RGL1: variants seen among roughly 807,000 people sequenced by gnomAD.
RGL1 encodes the protein ral guanine nucleotide dissociation stimulator like 1.
In RGL1, 24 loss-of-function variants were observed where a neutral mutation model predicts 95.2. The ratio of observed to expected loss-of-function variants is 0.25; its 90% confidence interval spans 0.18 to 0.35. RGL1 has a LOEUF of 0.35. Ranked by LOEUF, RGL1 falls within the 10% of genes least tolerant of loss-of-function variation. RGL1 has a pLI of 1.00. For synonymous variants in RGL1, 329 were observed against 344.9 expected, an observed-to-expected ratio of 0.95 and a Z score of 0.51; for missense variants, 715 against 936.3, an observed-to-expected ratio of 0.76 and a Z score of 3.08.
At chr1:183,785,912 C>A (rs867463034) in intron 2 of RGL1, among the ~76,000 whole-genome samples, 34 of 151,808 alleles carry the variant, frequency 2.2e-4, no homozygotes, top group Admixed American at 1.8e-3. Context: ...GAGTGTGACC[C>A]CATCTCTACA....
intron 1 of RGL1, among the ~76,000 whole-genome samples, chr1:183,661,035 A>G (rs942589461): frequency 6.6e-6 from 1 of 152,212 alleles, no homozygotes; most frequent in African/African-American, 2.4e-5. Context: ...ACATACCAGA[A>G]TCTCTGGGAC....
upstream of RGL1, among the ~76,000 whole-genome samples, chr1:183,801,589 CT>C (rs1288569948): frequency 6.6e-6 from 1 of 152,152 alleles, no homozygotes; most frequent in Non-Finnish European, 1.5e-5. Flanking sequence ...TATAATAAAG[CT>C]TTCCCCCTAT....
At chr1:183,730,452 G>C (rs543783750) in intron 1 of RGL1, among the ~76,000 whole-genome samples, 1 of 152,132 alleles carries the variant, frequency 6.6e-6, no homozygotes, top group Non-Finnish European at 1.5e-5. Flanking sequence ...GAGTGAGTGT[G>C]TTAGGTTGGC....
chr1:183,868,693 G>C (rs61809213), intron 4 of RGL1, among the ~76,000 whole-genome samples: 1 of 152,212 alleles, frequency 6.6e-6, no homozygotes, highest in Non-Finnish European at 1.5e-5. Flanking sequence ...TAAGAATTGA[G>C]TGTAATCTAG....
chr1:183,640,565 G>A (rs1445929707), intron 1 of RGL1, among the ~76,000 whole-genome samples: 1 of 152,000 alleles, frequency 6.6e-6, no homozygotes, highest in Non-Finnish European at 1.5e-5. Flanking sequence ...TTAAAATATT[G>A]TGAATGAGAC....
chr1:183,858,976 A>C (rs1665338843), intron 3 of RGL1, among the ~76,000 whole-genome samples: 1 of 152,236 alleles, frequency 6.6e-6, no homozygotes, highest in Non-Finnish European at 1.5e-5. Flanking sequence ...GGTTGGGGAA[A>C]ACTGAGCCAC....
At chr1:183,736,940 C>A (rs1656975314) in intron 1 of RGL1, among the ~76,000 whole-genome samples, 1 of 2,868 alleles carries the variant, frequency 3.5e-4, no homozygotes, top group Non-Finnish European at 8.9e-3. Context: ...ACTTTCTTTT[C>A]CTTCCAAACC....
At chr1:183,851,741 A>G (rs1355042373) in intron 3 of RGL1, among the ~76,000 whole-genome samples, 1 of 152,252 alleles carries the variant, frequency 6.6e-6, no homozygotes, top group Non-Finnish European at 1.5e-5. Flanking sequence ...AAACCTCAAC[A>G]TGAGTATTTC....
At chr1:183,706,269 G>A (rs954121837) in intron 1 of RGL1, among the ~76,000 whole-genome samples, 5 of 152,258 alleles carry the variant, frequency 3.3e-5, no homozygotes, top group East Asian at 3.9e-4. Flanking sequence ...GAGGTGGCTC[G>A]GGGTTTGGAG....
At chr1:183,669,035 C>T (rs139076868) in intron 1 of RGL1, among the ~76,000 whole-genome samples, 1,899 of 151,442 alleles carry the variant, frequency 0.013, 46 homozygotes, top group African/African-American at 0.044. Context: ...CTCCGCCTCC[C>T]GGGTTCAAGT....
intron 1 of RGL1, among the ~76,000 whole-genome samples, chr1:183,712,498 T>A (rs779392479): frequency 9.2e-5 from 14 of 151,494 alleles, no homozygotes; most frequent in South Asian, 6.3e-4. Context: ...AGAGAGAGAG[T>A]GTGTGTGTGT....
chr1:183,805,409 C>A lies in RGL1; in HGVS notation c.27+85C>A, dbSNP rs978938615. 17 of 1,140,770 alleles carry A rather than the reference C, an allele frequency of 1.5e-5. No homozygotes were observed. The African/African-American group carries it at 2.3e-4, about 15-fold the overall frequency. The allele number at this position is 1,140,770 out of a possible 1,614,324, so 70.7% of individuals were successfully genotyped here. A position where few individuals can be genotyped will look rare whatever the true frequency, so the allele number is the denominator to read the frequency against. On this transcript the variant is annotated intron_variant, in intron 1 of 17. Coordinates refer to ENST00000360851, the MANE Select transcript of RGL1 (RefSeq NM_001297671.3). Reference sequence around the variant, plus strand: ...TCGCTGGGCGTGTTTTGGACTCCCTCGGAGTGAACGGAGCAATCCGATTCC... The same window carrying A: ...TCGCTGGGCGTGTTTTGGACTCCCTAGGAGTGAACGGAGCAATCCGATTCC...
chr1:183,777,621 C>T (rs565232630), intron 2 of RGL1, among the ~76,000 whole-genome samples: 9 of 152,312 alleles, frequency 5.9e-5, no homozygotes, highest in Admixed American at 3.3e-4. Context: ...GGAGGGAGCT[C>T]ATAGGAAAAC....
intron 1 of RGL1, among the ~76,000 whole-genome samples, chr1:183,722,278 A>G (rs1656054462): frequency 6.6e-6 from 1 of 152,024 alleles, no homozygotes; most frequent in Non-Finnish European, 1.5e-5. Context: ...AATAGAACCT[A>G]TCCAAAATGA....
chr1:183,700,799 C>G (rs1469365167), intron 1 of RGL1, among the ~76,000 whole-genome samples: 1 of 152,122 alleles, frequency 6.6e-6, no homozygotes, highest in Non-Finnish European at 1.5e-5. Flanking sequence ...CCACCTCGGC[C>G]TTCCAAAGTG....
At chr1:183,897,936 G>A in intron 10 of RGL1, 39 bp downstream of exon 10, 1 of 1,565,600 alleles carries the variant, frequency 6.4e-7, no homozygotes, top group Non-Finnish European at 8.8e-7. Context: ...GCTCACAGAG[G>A]AGAAGGGCCG....
Position 183,668,003 on chromosome 1 carries a change from A to ATGTGTG in RGL1, c.-33+31520_-33+31525dup, listed in dbSNP as rs71130628. ...TTATTTTACTTACATGCTTATATAT[A>ATGTGTG]TGTGTGTGTGTGTGTGTGTGTGTCT... On this transcript the variant is annotated intron_variant, in intron 1 of 18. Transcript: ENST00000304685. Among the ~76,000 whole-genome samples the ATGTGTG allele has an allele frequency of 6.8e-3, 924 of 135,236 alleles. 9 individuals are homozygous for ATGTGTG. The highest frequency in any genetic ancestry group is 0.022 in the African/African-American group (802 of 37,024). 88.7% of individuals were successfully genotyped at this position (135,236 alleles called of 152,430 possible). A position where few individuals can be genotyped will look rare whatever the true frequency, so the allele number is the denominator to read the frequency against.
chr1:183,732,563 T>C (rs1321912472), intron 1 of RGL1, among the ~76,000 whole-genome samples: 1 of 152,178 alleles, frequency 6.6e-6, no homozygotes, highest in East Asian at 1.9e-4. Context: ...CCAGATAAAA[T>C]GGGCCAATTA....
rs565136783 is a variant in RGL1 at position 183,715,478 on chromosome 1, T to C, written c.-32-26648T>C. 2.7e-4 allele frequency among the ~76,000 whole-genome samples: 36 copies of C among 134,656 alleles called. 1 individual carries two copies. The South Asian group carries it at 8.6e-3, about 32-fold the overall frequency. The allele number at this position is 134,656 out of a possible 152,430, so 88.3% of individuals were successfully genotyped here. A position where few individuals can be genotyped will look rare whatever the true frequency, so the allele number is the denominator to read the frequency against. ...GTGCTAAGAGGACCATTGGAGACTGTAGAAGTTTGTTTCTTTTAGGTGTAA... is the reference window on the plus strand; with the variant it reads ...GTGCTAAGAGGACCATTGGAGACTGCAGAAGTTTGTTTCTTTTAGGTGTAA... On this transcript the variant is annotated intron_variant, in intron 1 of 18. Coordinates refer to the RGL1 transcript ENST00000304685.
Sources: gnomAD v4.1 joint callset for allele counts (sites outside exome capture counted in the v4.1 genomes callset) on GRCh38, gnomAD v4.1.1 for gene constraint, MANE v1.5 for transcripts, NCBI Gene and HGNC (gene_info 2026-07-23, HGNC 2026-07-21) for gene names.